KIAA0825: variants seen among roughly 807,000 people sequenced by gnomAD.
KIAA0825 encodes KIAA0825, also known as uncharacterized protein KIAA0825.
A neutral mutation model predicts 147.6 loss-of-function variants in KIAA0825; 119 were observed. That is an observed-to-expected ratio of 0.81 (90% confidence interval 0.69 to 0.94). KIAA0825 has a LOEUF of 0.94. KIAA0825 is among the 40% of genes least tolerant of loss of function. The pLI is 0.00. For synonymous variants in KIAA0825, 470 were observed against 518.1 expected (o/e 0.91, Z 1.26); for missense variants, 1,381 against 1,472.7 (o/e 0.94, Z 1.02).
intron 5 of KIAA0825, among the ~76,000 whole-genome samples, chr5:94,506,107 A>G (rs1446368822): frequency 6.6e-6 from 1 of 152,058 alleles, no homozygotes; most frequent in African/African-American, 2.4e-5. Flanking sequence ...CTCAGTGAAT[A>G]ATGATTATTG....
chr5:94,317,611 A>G (rs922748952), intron 20 of KIAA0825, among the ~76,000 whole-genome samples: 5 of 151,878 alleles, frequency 3.3e-5, no homozygotes, highest in Non-Finnish European at 7.4e-5. Context: ...ATTTGGAATC[A>G]GAATGACAGG....
At chr5:94,290,209 T>C (rs1777827185) in intron 20 of KIAA0825, among the ~76,000 whole-genome samples, 1 of 152,178 alleles carries the variant, frequency 6.6e-6, no homozygotes, top group Non-Finnish European at 1.5e-5. Context: ...TAGATATACA[T>C]GTGCCATGGT....
chr5:94,387,174 T>C (rs1749265724), intron 18 of KIAA0825, among the ~76,000 whole-genome samples: 1 of 152,224 alleles, frequency 6.6e-6, no homozygotes, highest in South Asian at 2.1e-4. Context: ...TTTTAAAAAA[T>C]ATAAATGTTC....
intron 14 of KIAA0825, among the ~76,000 whole-genome samples, chr5:94,427,983 T>C (rs1317522573): frequency 6.6e-6 from 1 of 152,222 alleles, no homozygotes; most frequent in African/African-American, 2.4e-5. Flanking sequence ...TTTGCCGTTG[T>C]TGATTTAAAG....
At chr5:94,219,557 T>G (rs1773506363) in intron 20 of KIAA0825, among the ~76,000 whole-genome samples, 1 of 152,170 alleles carries the variant, frequency 6.6e-6, no homozygotes, top group East Asian at 1.9e-4. Flanking sequence ...GATAGGCAAC[T>G]TCATCATTGA....
At position 94,193,403 on chromosome 5, in the gene KIAA0825, A is replaced by G. The variant is rs1176233357; in HGVS notation, c.3711-39279T>C. On this transcript the variant is annotated intron_variant, in intron 20 of 20. Transcript: ENST00000682413. ...TAAATCCTCACACTTATGAATTAGT[A>G]TGATTTTCCAACTTTTATAGCTGAT... Among the ~76,000 whole-genome samples, 4 of 152,340 alleles carry G rather than the reference A, an allele frequency of 2.6e-5. No homozygotes were observed. In the East Asian group the frequency reaches 7.7e-4, roughly 29 times the overall value.
intron 3 of KIAA0825, among the ~76,000 whole-genome samples, chr5:94,535,361 T>A (rs1194255467): frequency 1.3e-5 from 2 of 151,666 alleles, no homozygotes; most frequent in Non-Finnish European, 2.9e-5. Context: ...AATACAAAAA[T>A]TAGCTGCGTG....
intron 20 of KIAA0825, among the ~76,000 whole-genome samples, chr5:94,285,005 T>G (rs1022734414): frequency 1.3e-5 from 2 of 152,148 alleles, no homozygotes; most frequent in African/African-American, 4.8e-5. Flanking sequence ...TGTTTCATAT[T>G]CAGGGGCTGC....
intron 13 of KIAA0825, among the ~76,000 whole-genome samples, chr5:94,445,271 T>G (rs1304287362): frequency 6.6e-6 from 1 of 152,172 alleles, no homozygotes; most frequent in African/African-American, 2.4e-5. Context: ...TTCAACATGT[T>G]TAGATAATTG....
chr5:94,339,503 T>C (rs184001637), intron 20 of KIAA0825, among the ~76,000 whole-genome samples: 4 of 152,302 alleles, frequency 2.6e-5, no homozygotes, highest in Admixed American at 2.6e-4. Flanking sequence ...CCGTATTGAA[T>C]ATCTTATGTC....
intron 1 of KIAA0825, among the ~76,000 whole-genome samples, chr5:94,586,309 G>A (rs1783275727): frequency 6.6e-6 from 1 of 152,026 alleles, no homozygotes; most frequent in South Asian, 2.1e-4. Flanking sequence ...TAATAAAGAA[G>A]AAAGGAAAGA....
chr5:94,424,401 A>G (rs1413132045), intron 14 of KIAA0825, among the ~76,000 whole-genome samples: 2 of 152,156 alleles, frequency 1.3e-5, no homozygotes, highest in Non-Finnish European at 2.9e-5. Flanking sequence ...ATAGAAATTA[A>G]ACAACATCGT....
intron 5 of KIAA0825, chr5:94,519,691 C>A (rs573546510): frequency 2.7e-6 from 2 of 731,644 alleles, no homozygotes; most frequent in Admixed American, 1.3e-4. Context: ...TTAGAATTGA[C>A]TGACTAAAAT....
chr5:94,383,127 C>CT lies in KIAA0825; in HGVS notation c.3710+1240dup, dbSNP rs201173986. Among the ~76,000 whole-genome samples, 843 of 152,262 alleles carry CT rather than the reference C, an allele frequency of 5.5e-3. 29 individuals carry two copies. Among genetic ancestry groups the CT allele is most frequent in the Admixed American group, 0.049 (746 of 15,288 alleles). On this transcript the variant is annotated intron_variant, in intron 20 of 20. Coordinates refer to ENST00000682413, the MANE Select transcript of KIAA0825 (RefSeq NM_001145678.3). ...GACAGTATAGGTGCACACCTGGTGA[C>CT]TTGTGTATGAATAGGGTACCTCTGG...
At chr5:94,571,924 A>T (rs1389841794) in intron 2 of KIAA0825, among the ~76,000 whole-genome samples, 1 of 152,186 alleles carries the variant, frequency 6.6e-6, no homozygotes, top group African/African-American at 2.4e-5. Flanking sequence ...GATACATGAT[A>T]AACAAAACCT....
intron 20 of KIAA0825, among the ~76,000 whole-genome samples, chr5:94,308,091 A>G (rs1320403391): frequency 6.6e-6 from 1 of 151,726 alleles, no homozygotes; most frequent in Non-Finnish European, 1.5e-5. Context: ...GATTTTAAAG[A>G]GTTTTTCAAT....
At chr5:94,205,296 TATA>T (rs1772073497) in intron 20 of KIAA0825, among the ~76,000 whole-genome samples, 1 of 143,620 alleles carries the variant, frequency 7.0e-6, no homozygotes, top group Non-Finnish European at 1.5e-5. Flanking sequence ...TATATATATA[TATA>T]TTTTGTTTTG....
At chr5:94,377,701 C>T (rs1747784187) in intron 20 of KIAA0825, among the ~76,000 whole-genome samples, 1 of 152,102 alleles carries the variant, frequency 6.6e-6, no homozygotes. Context: ...TTCTGAAACT[C>T]TAGGGAGTCA....
intron 15 of KIAA0825, chr5:94,415,802 T>C (rs1256934536): frequency 1.3e-5 from 2 of 152,220 alleles, no homozygotes; most frequent in Admixed American, 6.5e-5. Flanking sequence ...ACAGTTTTAT[T>C]TTGCCTAGCA....
Sources: allele counts gnomAD v4.1 joint callset (sites outside exome capture counted in the v4.1 genomes callset), GRCh38; gene constraint gnomAD v4.1.1; transcripts MANE v1.5; gene names NCBI Gene and HGNC (gene_info 2026-07-23, HGNC 2026-07-21).